RPTOR: variants seen among roughly 807,000 people sequenced by gnomAD.
RPTOR encodes the protein regulatory-associated protein of mTOR.
A neutral mutation model predicts 169.9 loss-of-function variants in RPTOR; 21 were observed. The observed-to-expected ratio is 0.12, with a 90% confidence interval of 0.09 to 0.18. The LOEUF is 0.18. Among genes scored for constraint, RPTOR ranks in the 10% least tolerant of loss-of-function variants. The pLI, the probability that RPTOR is intolerant of heterozygous loss-of-function variation, is 1.00. For missense variants in RPTOR, 1,133 were observed against 1,855.9 expected (o/e 0.61, Z 7.16); for synonymous variants, 732 against 753.2 (o/e 0.97, Z 0.46).
At chr17:80,847,463 T>G (rs1403358479) in intron 11 of RPTOR, among the ~76,000 whole-genome samples, 1 of 152,240 alleles carries the variant, frequency 6.6e-6, no homozygotes, top group East Asian at 1.9e-4. Context: ...TAAAATCCAC[T>G]GGTCAGTGTA....
rs78410683 is a variant in RPTOR, at chr17:80,778,891, G to A, written c.831-12559G>A. 2.9e-3 allele frequency among the ~76,000 whole-genome samples: 437 copies of A among 152,318 alleles called. 1 individual carries two copies. The highest frequency in any genetic ancestry group is 9.9e-3 in the African/African-American group (410 of 41,580). On this transcript the variant is annotated intron_variant, in intron 6 of 33. Transcript: ENST00000306801. ...ACAACTGTCGTGGCACCTCATGTGC[G>A]GTGTCTGGCCGCGGCGCCTGCGAAT... is the stretch of plus-strand genomic sequence containing the variant.
chr17:80,920,679 G>A (rs962374979), intron 21 of RPTOR, among the ~76,000 whole-genome samples: 1 of 152,250 alleles, frequency 6.6e-6, no homozygotes, highest in African/African-American at 2.4e-5. Context: ...TGAGTCACCG[G>A]CCCCAGCCCA....
intron 21 of RPTOR, 66 bp downstream of exon 21, chr17:80,908,995 G>C (rs1301179530): frequency 7.1e-6 from 8 of 1,125,214 alleles, no homozygotes; most frequent in South Asian, 1.3e-5. Context: ...TGCATGCCAG[G>C]AACTCCAGGT....
At chr17:80,677,425 T>C in intron 3 of RPTOR, among the ~76,000 whole-genome samples, 1 of 152,222 alleles carries the variant, frequency 6.6e-6, no homozygotes, top group East Asian at 1.9e-4. Context: ...TAACAGCTTT[T>C]CGTTGGCCCC....
chr17:80,852,855 G>C (rs576927588), intron 11 of RPTOR, among the ~76,000 whole-genome samples: 1 of 151,954 alleles, frequency 6.6e-6, no homozygotes, highest in African/African-American at 2.4e-5. Context: ...CTTGACCCAG[G>C]TGGCCGCCAT....
chr17:80,864,369 AGAATGATG>A (rs2067960637), intron 13 of RPTOR, among the ~76,000 whole-genome samples: 2 of 143,380 alleles, frequency 1.4e-5, no homozygotes, highest in Admixed American at 6.7e-5. Flanking sequence ...GGAAAAGGTG[AGAATGATG>A]GCAAGTTTCT....
At chr17:80,779,401 C>A (rs1335060343) in intron 6 of RPTOR, among the ~76,000 whole-genome samples, 1 of 152,178 alleles carries the variant, frequency 6.6e-6, no homozygotes, top group African/African-American at 2.4e-5. Context: ...CTGGGAGAAC[C>A]GAAGAGAGAG....
Position 80,667,037 on chromosome 17 carries a change from C to A in RPTOR, c.348+23227C>A, listed in dbSNP as rs1251674910. Reference sequence around the variant, plus strand: ...ATTCTGTGTGGTTAGGACACTGATTCATCAGGGCCTGGATTTTCCCAATAA... The same window carrying A: ...ATTCTGTGTGGTTAGGACACTGATTAATCAGGGCCTGGATTTTCCCAATAA... On this transcript the variant is annotated intron_variant, in intron 3 of 33. Transcript: ENST00000306801. Among the ~76,000 whole-genome samples, 3 of 152,172 alleles carry A rather than the reference C, an allele frequency of 2.0e-5. No homozygotes were observed. The East Asian group carries it at 5.8e-4, about 29-fold the overall frequency.
At chr17:80,559,440 C>T (rs1490046771) in intron 1 of RPTOR, among the ~76,000 whole-genome samples, 1 of 152,160 alleles carries the variant, frequency 6.6e-6, no homozygotes, top group Admixed American at 6.5e-5. Flanking sequence ...TCTGTGCCCT[C>T]CCTGCCCCAG....
chr17:80,954,032 T>A (rs939568255), intron 28 of RPTOR, among the ~76,000 whole-genome samples: 3 of 152,220 alleles, frequency 2.0e-5, no homozygotes, highest in African/African-American at 7.2e-5. Flanking sequence ...GGGGTCTTGC[T>A]CTCACTGCAG....
intron 1 of RPTOR, among the ~76,000 whole-genome samples, chr17:80,595,469 C>T (rs2065137994): frequency 6.6e-6 from 1 of 152,176 alleles, no homozygotes; most frequent in South Asian, 2.1e-4. Flanking sequence ...GTTTTTCCCC[C>T]CCCTTAGATG....
Position 80,575,909 on chromosome 17 carries a change from T to C in RPTOR, c.162+30118T>C, listed in dbSNP as rs184356445. Among the ~76,000 whole-genome samples the C allele has an allele frequency of 1.0e-3, 157 of 152,338 alleles. 1 individual carries two copies. The highest frequency in any genetic ancestry group is 3.6e-3 in the African/African-American group (149 of 41,572). On this transcript the variant is annotated intron_variant, in intron 1 of 33. Coordinates refer to ENST00000306801, the MANE Select transcript of RPTOR (RefSeq NM_020761.3). ...GCTTCATTTATATTTTGAGGCCATA[T>C]TGTTGTAAAACTGTTGTATCTTCCT...
intron 5 of RPTOR, among the ~76,000 whole-genome samples, chr17:80,753,751 G>A (rs1268823807): frequency 6.6e-6 from 1 of 151,912 alleles, no homozygotes; most frequent in African/African-American, 2.4e-5. Context: ...GGAAAACCGG[G>A]AAGAAAACAG....
Position 80,844,005 on chromosome 17 carries a change from G to A in RPTOR, c.1213-2468G>A, listed in dbSNP as rs1017550258. 1.3e-5 allele frequency among the ~76,000 whole-genome samples: 2 copies of A among 152,202 alleles called. No homozygotes were observed. Among genetic ancestry groups the A allele is most frequent in the African/African-American group, 2.4e-5 (1 of 41,450 alleles). On this transcript the variant is annotated intron_variant, in intron 10 of 33. Transcript: ENST00000306801. This position sits in a 1 kb window ranked among gnomAD's most constrained non-coding sequence, Gnocchi z 4.7. ...CCAGACGCTCAGCCCAGCAGGACCT[G>A]TGAGCTCTCTGTCTCGCTGAATGGA...
In RPTOR at chr17:80,826,529, C is replaced by T. The variant is rs148723604; in HGVS notation, c.1136+3306C>T. Among the ~76,000 whole-genome samples, 55 of 152,374 alleles carry T rather than the reference C, an allele frequency of 3.6e-4. 1 individual carries two copies. The highest frequency in any genetic ancestry group is 1.3e-3 in the African/African-American group (54 of 41,594). The stretch of plus-strand genomic sequence containing the variant: ...CCAGCAGCCAGGGCCTCCGGCCCAG[C>T]CCAGGTACAGCGGAGTGAACTGTGT... On this transcript the variant is annotated intron_variant, in intron 9 of 33. Coordinates refer to ENST00000306801, the MANE Select transcript of RPTOR (RefSeq NM_020761.3).
intron 1 of RPTOR, among the ~76,000 whole-genome samples, chr17:80,571,563 C>T (rs984192840): frequency 2.0e-5 from 3 of 152,158 alleles, no homozygotes; most frequent in African/African-American, 4.8e-5. Context: ...TTCTGTCTCC[C>T]AGACTGGAGT....
chr17:80,577,033 C>CT (rs11451555), intron 1 of RPTOR, among the ~76,000 whole-genome samples: 52,601 of 142,646 alleles, frequency 0.37, 9,623 homozygotes, highest in Middle Eastern at 0.39. Flanking sequence ...AGTCATAATT[C>CT]TTTTTTTTTT....
At chr17:80,842,724 C>T (rs1355331221) in intron 10 of RPTOR, among the ~76,000 whole-genome samples, 1 of 152,152 alleles carries the variant, frequency 6.6e-6, no homozygotes, top group African/African-American at 2.4e-5. Flanking sequence ...ACCTTTATTT[C>T]CTCTGAGATG....
At chr17:80,649,717 C>G (rs577484081) in intron 3 of RPTOR, among the ~76,000 whole-genome samples, 1 of 52,070 alleles carries the variant, frequency 1.9e-5, no homozygotes, top group East Asian at 3.9e-4. Context: ...AGAACTGTTC[C>G]TATGATCAAT....
Sources: gnomAD v4.1 joint callset for allele counts (sites outside exome capture counted in the v4.1 genomes callset) on GRCh38, gnomAD v4.1.1 for gene constraint, Gnocchi (gnomAD v3.1) non-coding constraint, MANE v1.5 for transcripts, NCBI Gene and HGNC (gene_info 2026-07-23, HGNC 2026-07-21) for gene names.